The following MSTO1 variants were observed in gnomAD, a reference collection of about 807,000 sequenced individuals.
MSTO1 encodes protein misato homolog 1.
In MSTO1, 24 loss-of-function variants were observed where a neutral mutation model predicts 55.7. That is an observed-to-expected ratio of 0.43 (90% CI 0.31 to 0.61). MSTO1 has a LOEUF of 0.61. Among genes scored for constraint, MSTO1 ranks in the 20% least tolerant of loss-of-function variants. The pLI, the probability that MSTO1 is intolerant of heterozygous loss-of-function variation, is 0.09. For synonymous variants in MSTO1, 162 were observed against 252.8 expected, an observed-to-expected ratio of 0.64 and a Z score of 3.41; for missense variants, 363 against 625.7, an observed-to-expected ratio of 0.58 and a Z score of 4.48.
the MSTO1 span, among the ~76,000 whole-genome samples, chr1:155,573,564 G>C: frequency 6.6e-6 from 1 of 151,634 alleles, no homozygotes; most frequent in East Asian, 1.9e-4. Context: ...CTGACCAGGC[G>C]CAGTGGCTCA....
downstream of MSTO1, chr1:155,614,954 T>C: frequency 1.0e-6 from 1 of 967,616 alleles, no homozygotes; most frequent in Non-Finnish European, 1.6e-6. Flanking sequence ...TTGCAAAATC[T>C]TTTGTTTATT....
At chr1:155,568,812 T>C in the MSTO1 span, among the ~76,000 whole-genome samples, 1 of 151,680 alleles carries the variant, frequency 6.6e-6, no homozygotes, top group Admixed American at 6.6e-5. Flanking sequence ...AGATTTGAGC[T>C]ACTGCCCCCG....
the MSTO1 span, among the ~76,000 whole-genome samples, chr1:155,578,782 T>C: frequency 6.7e-6 from 1 of 149,422 alleles, no homozygotes; most frequent in Non-Finnish European, 1.5e-5. Flanking sequence ...AGTGCTGGGA[T>C]TACAGGCGTG....
chr1:155,605,157 A>G, the MSTO1 span, among the ~76,000 whole-genome samples: 1 of 151,694 alleles, frequency 6.6e-6, no homozygotes, highest in Admixed American at 6.6e-5. Context: ...GCTACTCGGG[A>G]GGCTGAGGCA....
chr1:155,583,849 G>C, the MSTO1 span, among the ~76,000 whole-genome samples: 1 of 152,258 alleles, frequency 6.6e-6, no homozygotes, highest in South Asian at 2.1e-4. Context: ...GGTTGTGCCG[G>C]GGAGCATTGA....
the MSTO1 span, among the ~76,000 whole-genome samples, chr1:155,599,143 A>C: frequency 6.6e-6 from 1 of 151,942 alleles, no homozygotes; most frequent in Non-Finnish European, 1.5e-5. Context: ...GCACCACTGC[A>C]CTCTAGCCTG....
At chr1:155,572,605 C>T in the MSTO1 span, among the ~76,000 whole-genome samples, 5 of 152,134 alleles carry the variant, frequency 3.3e-5, no homozygotes, top group South Asian at 8.3e-4. Context: ...CCAAGCTACT[C>T]GGGAGGCTGA....
the MSTO1 span, among the ~76,000 whole-genome samples, chr1:155,589,342 C>A: frequency 6.8e-4 from 103 of 151,702 alleles, no homozygotes; most frequent in East Asian, 8.5e-3. Context: ...ATGAGAAAGA[C>A]CTGAGGCCAG....
upstream of MSTO1, among the ~76,000 whole-genome samples, chr1:155,606,287 G>GGCCTT (rs1485313755): frequency 7.2e-6 from 1 of 138,886 alleles, no homozygotes; most frequent in African/African-American, 2.7e-5. Context: ...TCGAACTCCT[G>GGCCTT]GCCTTAAGTG....
At chr1:155,609,990 C>G (rs1571212717), upstream of MSTO1, 1 of 504,320 alleles carries the variant, frequency 2.0e-6, no homozygotes, top group Non-Finnish European at 3.5e-6. Flanking sequence ...CGGCGCCCAC[C>G]CCGCTCCAAC....
At chr1:155,592,117 G>C in the MSTO1 span, among the ~76,000 whole-genome samples, 1 of 152,190 alleles carries the variant, frequency 6.6e-6, no homozygotes, top group African/African-American at 2.4e-5. Context: ...AGATTGCTAT[G>C]CTGAAGTAAC....
the MSTO1 span, among the ~76,000 whole-genome samples, chr1:155,577,031 A>AG: frequency 6.7e-6 from 1 of 149,750 alleles, no homozygotes; most frequent in Non-Finnish European, 1.5e-5. Flanking sequence ...AAAAAAAAAA[A>AG]AAAAAAAAAA....
chr1:155,569,741 G>GT, the MSTO1 span, among the ~76,000 whole-genome samples: 37 of 151,338 alleles, frequency 2.4e-4, no homozygotes, highest in South Asian at 8.4e-4. Context: ...CCGGCCAGTT[G>GT]TTTTTTTTGG....
the MSTO1 span, among the ~76,000 whole-genome samples, chr1:155,581,957 C>CTT: frequency 2.2e-5 from 3 of 134,588 alleles, no homozygotes; most frequent in Non-Finnish European, 1.6e-5. Flanking sequence ...CCATGTCTGG[C>CTT]TTTTTTTTTT....
chr1:155,605,678 G>A (rs1233323094), upstream of MSTO1, among the ~76,000 whole-genome samples: 3 of 152,156 alleles, frequency 2.0e-5, no homozygotes, highest in African/African-American at 7.2e-5. Flanking sequence ...TCCGGAGGCT[G>A]AAGTGTGAGG....
chr1:155,595,800 C>T, the MSTO1 span, among the ~76,000 whole-genome samples: 1 of 152,086 alleles, frequency 6.6e-6, no homozygotes, highest in East Asian at 1.9e-4. Context: ...TTCTAATAAC[C>T]AATCTGGTGC....
At chr1:155,576,284 G>T in the MSTO1 span, among the ~76,000 whole-genome samples, 1 of 152,050 alleles carries the variant, frequency 6.6e-6, no homozygotes, top group Non-Finnish European at 1.5e-5. Flanking sequence ...GTCTGATTTG[G>T]ATACAATTCG....
chr1:155,614,288 G>A lies in MSTO1; in HGVS notation c.*15G>A. ...TCGTGGACTAAAGTTCCCAGTGTGG[G>A]AGAAAGGAGCTAGTTTGCAATAAAA... On this transcript the variant is annotated 3_prime_UTR_variant, in exon 14 of 14. Coordinates refer to ENST00000245564, the MANE Select transcript of MSTO1 (RefSeq NM_018116.4). 1 of 613,098 alleles carries A rather than the reference G, an allele frequency of 1.6e-6. No homozygotes were observed. Among genetic ancestry groups the A allele is most frequent in the South Asian group, 2.0e-5 (1 of 49,964 alleles). 38.0% of individuals were successfully genotyped at this position (613,098 alleles called of 1,614,324 possible).
At chr1:155,584,785 G>A in the MSTO1 span, among the ~76,000 whole-genome samples, 1 of 151,344 alleles carries the variant, frequency 6.6e-6, no homozygotes, top group Non-Finnish European at 1.5e-5. Context: ...GTATCACCCA[G>A]GCTGGAGTGC....
Sources: gnomAD v4.1 joint callset for allele counts (sites outside exome capture counted in the v4.1 genomes callset) on GRCh38, gnomAD v4.1.1 for gene constraint, MANE v1.5 for transcripts, NCBI Gene and HGNC (gene_info 2026-07-23, HGNC 2026-07-21) for gene names.